Variants in ABLIM2 observed in about 807,000 individuals in gnomAD.
The protein encoded by ABLIM2 is actin-binding LIM protein 2.
Under a neutral mutation model 97.7 loss-of-function variants are expected in ABLIM2, and 53 were observed. The observed-to-expected ratio is 0.54, with a 90% CI of 0.44 to 0.68. The LOEUF is 0.68. ABLIM2 is among the 30% of genes least tolerant of loss of function. The pLI, the probability that ABLIM2 is intolerant of heterozygous loss-of-function variation, is 0.00. For synonymous variants in ABLIM2, 361 were observed against 345.8 expected (o/e 1.04, Z -0.49); for missense variants, 835 against 867.2 (o/e 0.96, Z 0.47).
chr4:8,055,317 G>A (rs1020105091), intron 7 of ABLIM2, among the ~76,000 whole-genome samples: 37 of 151,722 alleles, frequency 2.4e-4, no homozygotes, highest in South Asian at 6.2e-4. Flanking sequence ...CTGACCTGCC[G>A]CTCCCTGTGA....
Position 8,079,389 on chromosome 4 carries a change from G to A in ABLIM2, c.581+1287C>T, listed in dbSNP as rs925493311. Among the ~76,000 whole-genome samples, 9 of 152,206 alleles carry A rather than the reference G, an allele frequency of 5.9e-5. No homozygotes were observed. The East Asian group carries it at 1.3e-3, about 23-fold the overall frequency. On this transcript the variant is annotated intron_variant, in intron 5 of 20. Transcript: ENST00000447017. ...GGTGAGCTGCCAACGCTGCGGGAGG[G>A]GCCTGCCGCCTGCACGGGGCTGGGC... is the stretch of plus-strand genomic sequence containing the variant.
At chr4:8,097,938 AC>A (rs993166086) in intron 2 of ABLIM2, among the ~76,000 whole-genome samples, 1 of 151,956 alleles carries the variant, frequency 6.6e-6, no homozygotes, top group Non-Finnish European at 1.5e-5. Context: ...CCCAACACAC[AC>A]CCGGCCCAGG....
intron 11 of ABLIM2, 127 bp downstream of exon 11, chr4:8,029,529 T>A: frequency 8.2e-7 from 1 of 1,217,384 alleles, no homozygotes. Context: ...TCCCACCCAT[T>A]TCCATCATAT....
chr4:8,091,346 T>C (rs1827572034), intron 3 of ABLIM2, among the ~76,000 whole-genome samples: 2 of 28,192 alleles, frequency 7.1e-5, no homozygotes, highest in Non-Finnish European at 1.3e-4. Flanking sequence ...ATATAATATA[T>C]ATATAATTAT....
At chr4:8,020,568 G>T (rs1028995203) in intron 12 of ABLIM2, 3 of 564,770 alleles carry the variant, frequency 5.3e-6, no homozygotes, top group Non-Finnish European at 6.4e-6. Flanking sequence ...AGGGCTGGGC[G>T]GTGAACTAAG....
At chr4:8,053,677 A>G (rs896514377) in intron 8 of ABLIM2, among the ~76,000 whole-genome samples, 4 of 152,164 alleles carry the variant, frequency 2.6e-5, no homozygotes, top group Non-Finnish European at 4.4e-5. Context: ...TGTGTGTTGG[A>G]AACTTGGTGT....
chr4:7,981,094 C>T (rs1486368502), intron 20 of ABLIM2, among the ~76,000 whole-genome samples: 7 of 151,866 alleles, frequency 4.6e-5, no homozygotes, highest in South Asian at 4.2e-4. Context: ...TAGGTGCCCA[C>T]CACAATGCCT....
intron 20 of ABLIM2, among the ~76,000 whole-genome samples, chr4:7,978,889 G>A (rs1735769885): frequency 6.6e-6 from 1 of 152,208 alleles, no homozygotes; most frequent in African/African-American, 2.4e-5. Context: ...TGTGATGGTA[G>A]GCAGAGGCTA....
At chr4:8,074,229 G>A (rs553555646) in intron 6 of ABLIM2, among the ~76,000 whole-genome samples, 1 of 152,198 alleles carries the variant, frequency 6.6e-6, no homozygotes. Context: ...TGAGGTGGAA[G>A]GATCACTTGA....
intron 2 of ABLIM2, among the ~76,000 whole-genome samples, chr4:8,103,972 T>C (rs1292758799): frequency 1.3e-5 from 2 of 152,256 alleles, no homozygotes; most frequent in Admixed American, 6.5e-5. Flanking sequence ...CAAATGTATC[T>C]TCAGGGAGAG....
intron 17 of ABLIM2, among the ~76,000 whole-genome samples, chr4:7,988,995 C>T (rs1202196085): frequency 1.3e-5 from 2 of 151,310 alleles, no homozygotes; most frequent in South Asian, 4.2e-4. Context: ...TTTTCATATA[C>T]CTATTTGATT....
intron 13 of ABLIM2, 60 bp downstream of exon 13, chr4:8,020,127 ACAGTTTGGGTGTGGC>A: frequency 2.2e-6 from 3 of 1,383,214 alleles, no homozygotes; most frequent in Non-Finnish European, 3.0e-6. Context: ...AGGCAAGCTG[ACAGTTTGGGTGTGGC>A]CAGTTTCGGT....
rs867351204 is a variant in ABLIM2 at position 8,075,073 on chromosome 4, C to T, written c.675+2555G>A. On this transcript the variant is annotated intron_variant, in intron 6 of 20. Coordinates refer to ENST00000447017, the MANE Select transcript of ABLIM2 (RefSeq NM_001130083.2). This position sits in a 1 kb window ranked among gnomAD's most constrained non-coding sequence, Gnocchi z 4.4. The stretch of plus-strand genomic sequence containing the variant: ...TGCTGGGATTACAGGCATGAGCCAC[C>T]GCTCCCGGCCCAGCCTGACAATTCT... 1.1e-4 allele frequency among the ~76,000 whole-genome samples: 16 copies of T among 152,280 alleles called. No homozygotes were observed. Among genetic ancestry groups the T allele is most frequent in the South Asian group, 2.1e-4 (1 of 4,826 alleles).
rs981676248 is a variant in ABLIM2 at position 8,112,750 on chromosome 4, T to G, written c.11-6113A>C. Among the ~76,000 whole-genome samples the G allele has an allele frequency of 6.6e-6, 1 of 152,194 alleles. No homozygotes were observed. The highest frequency in any genetic ancestry group is 1.5e-5 in the Non-Finnish European group (1 of 68,032). ...TACCATGCCCCACAGGAATGGTCAGTCATCCTCATCTCACGGATGAGGATG... is the reference window on the plus strand; with the variant it reads ...TACCATGCCCCACAGGAATGGTCAGGCATCCTCATCTCACGGATGAGGATG... On this transcript the variant is annotated intron_variant, in intron 1 of 20. Transcript: ENST00000447017. This position sits in a 1 kb window ranked among gnomAD's most constrained non-coding sequence, Gnocchi z 4.2.
At chr4:8,138,592 C>G (rs1245713510) in intron 1 of ABLIM2, among the ~76,000 whole-genome samples, 1 of 152,174 alleles carries the variant, frequency 6.6e-6, no homozygotes, top group African/African-American at 2.4e-5. Flanking sequence ...TGATCTTCAA[C>G]AAACTTGAGA....
chr4:8,099,371 G>GT (rs1321224800), intron 2 of ABLIM2, among the ~76,000 whole-genome samples: 3 of 152,174 alleles, frequency 2.0e-5, no homozygotes, highest in African/African-American at 7.2e-5. Flanking sequence ...ACGTGACGGC[G>GT]TGAGCTGTTC....
At position 8,071,852 on chromosome 4, in the gene ABLIM2, G is replaced by C; in HGVS notation, c.675+5776C>G. 1.0e-6 allele frequency: 1 copy of C among 985,410 alleles called. No homozygotes were observed. Among genetic ancestry groups the C allele is most frequent in the Non-Finnish European group, 1.2e-6 (1 of 829,954 alleles). 61.0% of individuals were successfully genotyped at this position (985,410 alleles called of 1,614,324 possible). A position where few individuals can be genotyped will look rare whatever the true frequency, so the allele number is the denominator to read the frequency against. On this transcript the variant is annotated intron_variant, in intron 6 of 20. Coordinates refer to ENST00000447017, the MANE Select transcript of ABLIM2 (RefSeq NM_001130083.2). The surrounding 1 kb of genome is among the most constrained non-coding windows in gnomAD (Gnocchi z 6.2). ...CCTGGAACGTGTGCCTGCGAGGGTG[G>C]ACACCCTCACCTTCAGCCAACAGTC...
rs1756893656 is a variant in ABLIM2, at chr4:8,001,121, G to C, written c.1618+6938C>G. Among the ~76,000 whole-genome samples the C allele has an allele frequency of 6.6e-6, 1 of 152,224 alleles. No individual in the cohort carries two copies. The highest frequency in any genetic ancestry group is 2.1e-4 in the South Asian group (1 of 4,834). The stretch of plus-strand genomic sequence containing the variant: ...TCTGAGCCTTGGTGTGTCCATCTGA[G>C]GAAGACGGGCACCCCTCATCCCTGA... On this transcript the variant is annotated intron_variant, in intron 16 of 20. Transcript: ENST00000447017. The surrounding 1 kb of genome is among the most constrained non-coding windows in gnomAD (Gnocchi z 4.2).
chr4:8,082,407 C>T lies in ABLIM2; in HGVS notation c.455-1605G>A, dbSNP rs1820509570. Among the ~76,000 whole-genome samples the T allele has an allele frequency of 6.6e-6, 1 of 152,212 alleles. No individual in the cohort carries two copies. Among genetic ancestry groups the T allele is most frequent in the Admixed American group, 6.5e-5 (1 of 15,282 alleles). ...TTACACAGAAGACCTGGCCCAAAGCCTTGCGCATCCCGGGTGAACAGTGAG... is the reference window on the plus strand; with the variant it reads ...TTACACAGAAGACCTGGCCCAAAGCTTTGCGCATCCCGGGTGAACAGTGAG... On this transcript the variant is annotated intron_variant, in intron 4 of 20. Coordinates refer to ENST00000447017, the MANE Select transcript of ABLIM2 (RefSeq NM_001130083.2). This position sits in a 1 kb window ranked among gnomAD's most constrained non-coding sequence, Gnocchi z 5.6.
Sources: allele counts gnomAD v4.1 joint callset (sites outside exome capture counted in the v4.1 genomes callset), GRCh38; gene constraint gnomAD v4.1.1; non-coding constraint Gnocchi (gnomAD v3.1); transcripts MANE v1.5; gene names NCBI Gene and HGNC (gene_info 2026-07-23, HGNC 2026-07-21).